Variants in HADHA observed in about 807,000 individuals in gnomAD.
The protein encoded by HADHA is hydroxyacyl-CoA dehydrogenase trifunctional multienzyme complex subunit alpha.
Under a neutral mutation model 91.3 loss-of-function variants are expected in HADHA, and 59 were observed. The observed-to-expected ratio is 0.65, with a 90% CI of 0.52 to 0.80. HADHA has a LOEUF of 0.80. Ranked by LOEUF, HADHA falls within the 30% of genes least tolerant of loss-of-function variation. HADHA has a pLI of 0.00. For synonymous variants in HADHA, 320 were observed against 338.9 expected (o/e 0.94, Z 0.61); for missense variants, 800 against 927.6 (o/e 0.86, Z 1.79).
chr2:26,224,860 A>G (rs753420018), intron 7 of HADHA, among the ~76,000 whole-genome samples: 1 of 152,214 alleles, frequency 6.6e-6, no homozygotes, highest in Non-Finnish European at 1.5e-5. Flanking sequence ...TTTATAAGTG[A>G]TTAAAGTCCT....
Position 26,190,919 on chromosome 2 carries a change from A to G in HADHA, c.*331T>C, listed in dbSNP as rs189483687. 1.9e-3 allele frequency: 889 copies of G among 469,552 alleles called. 4 individuals are homozygous for G. The highest frequency in any genetic ancestry group is 0.017 in the African/African-American group (847 of 51,134). The allele number at this position is 469,552 out of a possible 1,614,324, so 29.1% of individuals were successfully genotyped here. A position where few individuals can be genotyped will look rare whatever the true frequency, so the allele number is the denominator to read the frequency against. The stretch of plus-strand genomic sequence containing the variant: ...TGTTATGTGTTTGGCTGGGTGCAGA[A>G]CTGCCCTCACCACCCCTGGCCACCC... On this transcript the variant is annotated 3_prime_UTR_variant, in exon 20 of 20. Coordinates refer to ENST00000380649, the MANE Select transcript of HADHA (RefSeq NM_000182.5).
rs1278674044 is a variant in HADHA, at chr2:26,221,261, C to T, written c.677-6086G>A. 6.6e-6 allele frequency among the ~76,000 whole-genome samples: 1 copy of T among 152,150 alleles called. No homozygotes were observed. Among genetic ancestry groups the T allele is most frequent in the Non-Finnish European group, 1.5e-5 (1 of 68,024 alleles). On this transcript the variant is annotated intron_variant, in intron 7 of 19. Coordinates refer to ENST00000380649, the MANE Select transcript of HADHA (RefSeq NM_000182.5). This position sits in a 1 kb window ranked among gnomAD's most constrained non-coding sequence, Gnocchi z 4.8. ...TCAAACCTGATGGCGCCTGAAGTGT[C>T]GGCAGCAGACAGAGGTGCTGTCTGG...
At chr2:26,204,449 C>T (rs1221334480) in intron 11 of HADHA, among the ~76,000 whole-genome samples, 1 of 152,160 alleles carries the variant, frequency 6.6e-6, no homozygotes, top group African/African-American at 2.4e-5. Context: ...AATCATGCTT[C>T]GAAATCACTG....
chr2:26,206,271 C>T lies in HADHA; in HGVS notation c.1086-2075G>A, dbSNP rs1669968659. 2.7e-5 allele frequency among the ~76,000 whole-genome samples: 4 copies of T among 150,800 alleles called. No individual in the cohort carries two copies. In the South Asian group the frequency reaches 8.4e-4, roughly 32 times the overall value. ...AAGATGGAGTTTCACTCTTGCCGCC[C>T]AGGGTGGAGTACAACGGTGCGATCT... On this transcript the variant is annotated intron_variant, in intron 11 of 19. Transcript: ENST00000380649.
intron 14 of HADHA, among the ~76,000 whole-genome samples, chr2:26,197,174 T>TA (rs1669698324): frequency 6.6e-6 from 1 of 152,222 alleles, no homozygotes; most frequent in Admixed American, 6.5e-5. Flanking sequence ...TCCCCTTAAT[T>TA]ACTCTGGTTG....
Position 26,239,087 on chromosome 2 carries a change from A to G in HADHA, c.109+15T>C. 1 of 1,596,898 alleles carries G rather than the reference A, an allele frequency of 6.3e-7. No individual in the cohort carries two copies. The highest frequency in any genetic ancestry group is 2.2e-5 in the East Asian group (1 of 44,788). ...AGCAATGTAAGCATACACATTAAAA[A>G]GAAATTAAACTTACTCAGCAAAGCA... On this transcript the variant is annotated intron_variant, in intron 2 of 19. Coordinates refer to ENST00000380649, the MANE Select transcript of HADHA (RefSeq NM_000182.5).
Position 26,210,204 on chromosome 2 carries a change from G to C in HADHA, c.976-315C>G, listed in dbSNP as rs978979849. ...AACTAGAGTCTCAGGGCCAAAATGA[G>C]CCTCCACAATCATCTCAAACCAACC... On this transcript the variant is annotated intron_variant, in intron 10 of 19. Transcript: ENST00000380649. This position sits in a 1 kb window ranked among gnomAD's most constrained non-coding sequence, Gnocchi z 4.0. Among the ~76,000 whole-genome samples, 1 of 152,152 alleles carries C rather than the reference G, an allele frequency of 6.6e-6. No individual in the cohort carries two copies. The highest frequency in any genetic ancestry group is 2.4e-5 in the African/African-American group (1 of 41,444).
chr2:26,201,378 T>C (rs1414255449), intron 12 of HADHA, 58 bp from the exon 13 acceptor site: 7 of 1,194,450 alleles, frequency 5.9e-6, no homozygotes, highest in Non-Finnish European at 8.7e-6. Flanking sequence ...GTTTATTGAA[T>C]GTCCATGGGC....
Position 26,194,598 on chromosome 2 carries a change from A to G in HADHA, c.1661T>C (p.Met554Thr), listed in dbSNP as rs1230749936. ...GFYTTRCLAP[M>T]MSEVIRILQE... ...GAGGATTCGGATGACTTCAGACATCATGGGCGCAAGACACCTGGTAGTATA... is the reference window on the plus strand; with the variant it reads ...GAGGATTCGGATGACTTCAGACATCGTGGGCGCAAGACACCTGGTAGTATA... The change falls in exon 16 of 20, where the codon ATG becomes ACG. Residue 554 changes from methionine to threonine, a missense_variant. Physicochemically the swap from Met to Thr is moderately conservative, Grantham distance 81 (BLOSUM62 -1). Transcript: ENST00000380649. The G allele has an allele frequency of 2.5e-6, 4 of 1,612,634 alleles. No individual in the cohort carries two copies. The highest frequency in any genetic ancestry group is 3.4e-6 in the Non-Finnish European group (4 of 1,178,654).
chr2:26,195,364 T>G, intron 14 of HADHA, 132 bp from the exon 15 acceptor site: 3 of 834,400 alleles, frequency 3.6e-6, no homozygotes, highest in Non-Finnish European at 6.2e-6. Flanking sequence ...CATAGCTGAG[T>G]GGTTTGGTTC....
intron 17 of HADHA, 31 bp downstream of exon 17, chr2:26,193,546 G>A (rs371137138): frequency 6.5e-7 from 1 of 1,530,572 alleles, no homozygotes; most frequent in African/African-American, 1.4e-5. Flanking sequence ...GTAACTAATG[G>A]TGCTAGTTAT....
rs1250337326 is a variant in HADHA, at chr2:26,195,122, G to A, written c.1590C>T (p.Leu530=). 1 of 1,613,076 alleles carries A rather than the reference G, an allele frequency of 6.2e-7. No homozygotes were observed. Among genetic ancestry groups the A allele is most frequent in the Non-Finnish European group, 8.5e-7 (1 of 1,179,200 alleles). Residue 530 remains leucine (L), a synonymous_variant, in exon 15 of 20, where the codon CTC becomes CTT. Coordinates refer to ENST00000380649, the MANE Select transcript of HADHA (RefSeq NM_000182.5). ...DTSASAVAVG[L]KQGKVIIVVK... ...CCACAATGATGACCTTCCCCTGCTT[G>A]AGACCAACTGCTACAGCTGAAGCAC...
At chr2:26,202,078 C>G (rs904454663) in intron 12 of HADHA, among the ~76,000 whole-genome samples, 3 of 151,868 alleles carry the variant, frequency 2.0e-5, no homozygotes, top group African/African-American at 7.3e-5. Flanking sequence ...GGATTATAGG[C>G]GTGAGCCACC....
rs774204497 is a variant in HADHA at position 26,244,604 on chromosome 2, T to C, written c.-8A>G. On this transcript the variant is annotated 5_prime_UTR_variant, in exon 1 of 20. Coordinates refer to ENST00000380649, the MANE Select transcript of HADHA (RefSeq NM_000182.5). ...CGCCCGGCAGGCCACCATCTTGAGCTGAAGAGGACAGCAGTGGAGAGCGCC... is the reference window on the plus strand; with the variant it reads ...CGCCCGGCAGGCCACCATCTTGAGCCGAAGAGGACAGCAGTGGAGAGCGCC... 2.6e-5 allele frequency: 41 copies of C among 1,575,152 alleles called. No individual in the cohort carries two copies. Among genetic ancestry groups the C allele is most frequent in the Admixed American group, 3.7e-5 (2 of 54,378 alleles).
chr2:26,195,003 C>A (rs1156684768), intron 15 of HADHA, 89 bp downstream of exon 15: 1 of 1,118,350 alleles, frequency 8.9e-7, no homozygotes. Context: ...GGTCATTTGC[C>A]CCAGAATATT....
intron 1 of HADHA, among the ~76,000 whole-genome samples, chr2:26,243,882 T>C (rs1397977792): frequency 6.6e-6 from 1 of 152,242 alleles, no homozygotes; most frequent in East Asian, 1.9e-4. Context: ...TAACATTTTA[T>C]TGCTTAAGGT....
chr2:26,236,854 C>A lies in HADHA; in HGVS notation c.314+1G>T. 6.2e-7 allele frequency: 1 copy of A among 1,610,552 alleles called. No homozygotes were observed. On this transcript the variant is annotated splice_donor_variant, in intron 4 of 19. Transcript: ENST00000380649. LOFTEE classifies it high-confidence loss of function. ...GTGACTTCAAGTTTCCTAAAACTTA[C>A]TTGATATCAGCACCTGCAATAAAGC...
At chr2:26,224,835 T>A (rs1318566317) in intron 7 of HADHA, among the ~76,000 whole-genome samples, 1 of 152,188 alleles carries the variant, frequency 6.6e-6, no homozygotes, top group African/African-American at 2.4e-5. Flanking sequence ...AACCTAGATG[T>A]TACTATGAAG....
intron 13 of HADHA, among the ~76,000 whole-genome samples, chr2:26,199,736 C>G (rs1212773799): frequency 1.3e-5 from 2 of 151,884 alleles, no homozygotes; most frequent in African/African-American, 4.8e-5. Context: ...ATCTTTTTTT[C>G]TTCCTGACAA....
Sources: gnomAD v4.1 joint callset for allele counts (sites outside exome capture counted in the v4.1 genomes callset) on GRCh38, gnomAD v4.1.1 for gene constraint, Gnocchi (gnomAD v3.1) non-coding constraint, MANE v1.5 for transcripts, NCBI Gene and HGNC (gene_info 2026-07-23, HGNC 2026-07-21) for gene names.